UNC13B: variants seen among roughly 807,000 people sequenced by gnomAD.
The protein encoded by UNC13B is protein unc-13 homolog B.
A neutral mutation model predicts 211.0 loss-of-function variants in UNC13B; 144 were observed. The observed-to-expected ratio is 0.68, with a 90% CI of 0.60 to 0.78. The LOEUF is 0.78. Ranked by LOEUF, UNC13B falls within the 30% of genes least tolerant of loss-of-function variation. The pLI is 0.00. For synonymous variants in UNC13B, 709 were observed against 725.8 expected, an observed-to-expected ratio of 0.98 and a Z score of 0.37; for missense variants, 1,777 against 2,002.0, an observed-to-expected ratio of 0.89 and a Z score of 2.14.
At chr9:35,352,631 C>G in intron 11 of UNC13B, 1 of 1,232,004 alleles carries the variant, frequency 8.1e-7, no homozygotes, top group Non-Finnish European at 1.0e-6. Context: ...GCACCAGGCC[C>G]CTGAGCAGCA....
chr9:35,382,505 G>C lies in UNC13B; in HGVS notation c.10804G>C (p.Gly3602Arg), dbSNP rs1298133093. The stretch of plus-strand genomic sequence containing the variant: ...TGATCGCTTTGCAGCCTCCAACTTT[G>C]GGGTAAGTATCATGTAAACACATAT... ...ASDRFAASNF[G>R]KERFVKLLDQ... Residue 3602 changes from glycine to arginine, a missense_variant and splice_region_variant, in exon 21 of 40, where the codon GGG becomes CGG. Transcript: ENST00000635942. The C allele has an allele frequency of 6.2e-7, 1 of 1,611,812 alleles. No individual in the cohort carries two copies. The highest frequency in any genetic ancestry group is 1.7e-5 in the Admixed American group (1 of 59,420).
At position 35,162,298 on chromosome 9, in the gene UNC13B, CGTGCGCGGTGA is replaced by C. The variant is rs1340316402; in HGVS notation, c.22+2_22+12del. The stretch of plus-strand genomic sequence containing the variant: ...GATCCTCGGCCATGTCACTGCTCTG[CGTGCGCGGTGA>C]GTGCGCGGACTGAGGCGGGGAGGCG... On this transcript the variant is annotated splice_donor_variant and splice_donor_region_variant and coding_sequence_variant and intron_variant, in exon 1 of 40. Coordinates refer to ENST00000635942, the MANE Select transcript of UNC13B (RefSeq NM_001371189.2). LOFTEE classifies it high-confidence loss of function. 3 of 1,542,734 alleles carry C rather than the reference CGTGCGCGGTGA, an allele frequency of 1.9e-6. No homozygotes were observed. The African/African-American group carries it at 4.1e-5, about 21-fold the overall frequency.
At chr9:35,210,849 T>C (rs1487645230) in intron 1 of UNC13B, among the ~76,000 whole-genome samples, 4 of 152,126 alleles carry the variant, frequency 2.6e-5, no homozygotes, top group Admixed American at 2.6e-4. Flanking sequence ...GATGGACTCT[T>C]GTTAGTGGTC....
intron 1 of UNC13B, among the ~76,000 whole-genome samples, chr9:35,201,472 T>C (rs1197900935): frequency 5.9e-5 from 9 of 152,204 alleles, no homozygotes; most frequent in Non-Finnish European, 1.2e-4. Flanking sequence ...TCCTGGACTT[T>C]TTTTGGTTGG....
chr9:35,380,262 T>A (rs981176852), intron 17 of UNC13B, among the ~76,000 whole-genome samples: 1 of 152,122 alleles, frequency 6.6e-6, no homozygotes, highest in African/African-American at 2.4e-5. Context: ...AACTGTACAG[T>A]GGTAGATAGA....
intron 11 of UNC13B, chr9:35,351,717 G>T (rs1174835511): frequency 1.6e-6 from 2 of 1,232,272 alleles, no homozygotes; most frequent in Non-Finnish European, 2.0e-6. Context: ...TTAGCCATTG[G>T]TGGAGATAGA....
intron 13 of UNC13B, 74 bp from the exon 14 acceptor site, chr9:35,375,053 C>A: frequency 2.0e-6 from 3 of 1,508,466 alleles, no homozygotes; most frequent in South Asian, 2.3e-5. Context: ...TGGCTTTGGT[C>A]ACTGAAGCTC....
intron 26 of UNC13B, among the ~76,000 whole-genome samples, chr9:35,393,358 G>A (rs1297969615): frequency 2.0e-5 from 3 of 151,958 alleles, no homozygotes; most frequent in East Asian, 3.9e-4. Flanking sequence ...GACAAGAAAG[G>A]GAGACACAGA....
intron 7 of UNC13B, among the ~76,000 whole-genome samples, chr9:35,279,610 C>G (rs547230398): frequency 6.6e-6 from 1 of 152,172 alleles, no homozygotes; most frequent in African/African-American, 2.4e-5. Context: ...TTTGCAGTTA[C>G]AATACTGAAA....
At chr9:35,381,261 A>G (rs781776175) in intron 19 of UNC13B, 46 bp downstream of exon 19, 2 of 1,543,898 alleles carry the variant, frequency 1.3e-6, no homozygotes, top group Admixed American at 1.8e-5. Flanking sequence ...CAGTGCTGGG[A>G]GAGGCCTTTG....
intron 26 of UNC13B, among the ~76,000 whole-genome samples, chr9:35,395,911 T>C (rs568020071): frequency 6.6e-6 from 1 of 152,362 alleles, no homozygotes; most frequent in Admixed American, 6.5e-5. Context: ...AGCTCTGCCC[T>C]GGAGCCCTTC....
At chr9:35,219,149 A>G (rs948661610) in intron 1 of UNC13B, among the ~76,000 whole-genome samples, 2 of 152,216 alleles carry the variant, frequency 1.3e-5, no homozygotes, top group Non-Finnish European at 2.9e-5. Context: ...AAAAAATTCT[A>G]TAGAACAAAT....
chr9:35,385,334 T>C (rs1835118780), intron 22 of UNC13B: 2 of 985,348 alleles, frequency 2.0e-6, no homozygotes, highest in South Asian at 4.7e-5. Flanking sequence ...GCTCCACTTA[T>C]ATTCCAGGAT....
In UNC13B at chr9:35,304,342, A is replaced by C; in HGVS notation, c.4938A>C (p.Leu1646=). The C allele has an allele frequency of 2.5e-6, 1 of 398,776 alleles. No homozygotes were observed. Among genetic ancestry groups the C allele is most frequent in the Non-Finnish European group, 4.4e-6 (1 of 225,868 alleles). 24.7% of individuals were successfully genotyped at this position (398,776 alleles called of 1,614,324 possible). Reference sequence around the variant, plus strand: ...GTTGTGACCAAAGCGATCAGCCACTAGATTTTTCAGGCTATAATCGTCAAA... The same window carrying C: ...GTTGTGACCAAAGCGATCAGCCACTCGATTTTTCAGGCTATAATCGTCAAA... ...ESSCDQSDQP[L]DFSGYNRQKF... The change falls in exon 9 of 40, where the codon CTA becomes CTC. Residue 1646 remains leucine, a synonymous_variant. Transcript: ENST00000635942.
chr9:35,386,027 G>A, intron 23 of UNC13B, 138 bp from the exon 24 acceptor site: 1 of 1,462,268 alleles, frequency 6.8e-7, no homozygotes, highest in Non-Finnish European at 9.2e-7. Context: ...CAACTATCCT[G>A]GCAATTTCAT....
At chr9:35,246,153 T>A (rs1826085662) in intron 6 of UNC13B, among the ~76,000 whole-genome samples, 1 of 152,188 alleles carries the variant, frequency 6.6e-6, no homozygotes, top group African/African-American at 2.4e-5. Context: ...TGTCTTCTTT[T>A]GAGAAGTGCC....
At chr9:35,402,089 G>C in intron 37 of UNC13B, 1 of 1,350,786 alleles carries the variant, frequency 7.4e-7, no homozygotes. Flanking sequence ...CTCGTGCTGG[G>C]GGTGGGGGAA....
At chr9:35,185,136 C>G (rs1587322615) in intron 1 of UNC13B, among the ~76,000 whole-genome samples, 1 of 152,156 alleles carries the variant, frequency 6.6e-6, no homozygotes, top group African/African-American at 2.4e-5. Flanking sequence ...TTTGTTATAG[C>G]AAGAAGGCTC....
At chr9:35,194,011 G>A (rs2131350344) in intron 1 of UNC13B, among the ~76,000 whole-genome samples, 1 of 152,244 alleles carries the variant, frequency 6.6e-6, no homozygotes, top group South Asian at 2.1e-4. Context: ...GTCAGAGAGA[G>A]ACCTGGAAAT....
Sources: allele counts gnomAD v4.1 joint callset (sites outside exome capture counted in the v4.1 genomes callset), GRCh38; gene constraint gnomAD v4.1.1; transcripts MANE v1.5; gene names NCBI Gene and HGNC (gene_info 2026-07-23, HGNC 2026-07-21).